PTPN2: variants seen among roughly 807,000 people sequenced by gnomAD.
PTPN2 encodes tyrosine-protein phosphatase non-receptor type 2.
Under a neutral mutation model 57.3 loss-of-function variants are expected in PTPN2, and 19 were observed. The ratio of observed to expected loss-of-function variants is 0.33; its 90% CI spans 0.23 to 0.49. PTPN2 has a LOEUF of 0.49. Ranked by LOEUF, PTPN2 falls within the 20% of genes least tolerant of loss-of-function variation. PTPN2 has a pLI of 0.99. For synonymous variants in PTPN2, 153 were observed against 164.9 expected (o/e 0.93, Z 0.55); for missense variants, 358 against 501.1 (o/e 0.71, Z 2.73).
intron 6 of PTPN2, among the ~76,000 whole-genome samples, chr18:12,816,416 T>C (rs942311027): frequency 6.6e-6 from 1 of 152,226 alleles, no homozygotes; most frequent in Non-Finnish European, 1.5e-5. Context: ...CAGGGACTAC[T>C]GAAGGAGTAG....
chr18:12,836,496 A>G (rs2042870860), intron 3 of PTPN2, among the ~76,000 whole-genome samples: 1 of 152,258 alleles, frequency 6.6e-6, no homozygotes. Context: ...AAGCATAAGC[A>G]GCACTCTGTG....
intron 4 of PTPN2, among the ~76,000 whole-genome samples, chr18:12,828,929 C>T (rs975697846): frequency 1.3e-5 from 2 of 152,142 alleles, no homozygotes; most frequent in East Asian, 1.9e-4. Context: ...GACAGGGTCT[C>T]GCTCTGTCCC....
chr18:12,878,486 AT>A (rs2044565711), intron 1 of PTPN2, among the ~76,000 whole-genome samples: 1 of 152,130 alleles, frequency 6.6e-6, no homozygotes, highest in African/African-American at 2.4e-5. Context: ...CCTGACAAAC[AT>A]GGTGAAACCC....
At chr18:12,835,382 C>CTTTCTTTTTTTTTTTTTTTTTTT (rs2042821259) in intron 3 of PTPN2, among the ~76,000 whole-genome samples, 1 of 99,020 alleles carries the variant, frequency 1.0e-5, no homozygotes, top group African/African-American at 4.2e-5. Context: ...TCACATATGT[C>CTTTCTTTTTTTTTTTTTTTTTTT]TTTTTTTTTT....
At chr18:12,831,448 T>G (rs2042665804) in intron 3 of PTPN2, among the ~76,000 whole-genome samples, 1 of 152,188 alleles carries the variant, frequency 6.6e-6, no homozygotes, top group South Asian at 2.1e-4. Context: ...CATATGAAGG[T>G]GGCTATAGTA....
chr18:12,883,930 C>A lies in PTPN2; in HGVS notation c.69+143G>T, dbSNP rs1213963251. On this transcript the variant is annotated intron_variant, in intron 1 of 8. Transcript: ENST00000309660. ...AGAGAGCGGTCAGCGCAGGCGCGCC[C>A]CTGACGCGGACCGCGCCGCCACTTC... is the stretch of plus-strand genomic sequence containing the variant. 6.3e-6 allele frequency: 4 copies of A among 634,360 alleles called. No homozygotes were observed. In the Admixed American group the frequency reaches 1.3e-4, roughly 21 times the overall value. 39.3% of individuals were successfully genotyped at this position (634,360 alleles called of 1,614,324 possible).
intron 2 of PTPN2, among the ~76,000 whole-genome samples, chr18:12,848,614 A>G (rs551647848): frequency 6.6e-6 from 1 of 152,334 alleles, no homozygotes; most frequent in South Asian, 2.1e-4. Flanking sequence ...GTTCCTGGTG[A>G]CAGCCCAGTT....
At chr18:12,810,512 C>T (rs1231115268) in intron 7 of PTPN2, among the ~76,000 whole-genome samples, 1 of 152,148 alleles carries the variant, frequency 6.6e-6, no homozygotes, top group Non-Finnish European at 1.5e-5. Context: ...ATGGTGTGAT[C>T]ACAGCTCACT....
intron 1 of PTPN2, 115 bp downstream of exon 1, chr18:12,883,958 C>A (rs1452052791): frequency 1.2e-5 from 11 of 919,232 alleles, no homozygotes; most frequent in Non-Finnish European, 1.6e-5. Context: ...GCCACTTCCG[C>A]CCCGAGCGAG....
chr18:12,843,844 G>C (rs1204477551), intron 2 of PTPN2: 1 of 152,332 alleles, frequency 6.6e-6, no homozygotes, highest in African/African-American at 2.4e-5. Context: ...ACTCATTTGT[G>C]TGTGCTCAGT....
Position 12,793,516 on chromosome 18 carries a change from G to A in PTPN2, c.*762C>T, listed in dbSNP as rs1315619095. On this transcript the variant is annotated 3_prime_UTR_variant, in exon 9 of 9. Coordinates refer to ENST00000309660, the MANE Select transcript of PTPN2 (RefSeq NM_002828.4). ...CCAGTAAGGAGAATTTTCCTTCAAA[G>A]ATATTTTTAGGAAAAACTTTTGTTT... The A allele has an allele frequency of 3.1e-6, 3 of 980,040 alleles. No homozygotes were observed. Among genetic ancestry groups the A allele is most frequent in the South Asian group, 4.7e-5 (1 of 21,158 alleles). The allele number at this position is 980,040 out of a possible 1,614,324, so 60.7% of individuals were successfully genotyped here. A position where few individuals can be genotyped will look rare whatever the true frequency, so the allele number is the denominator to read the frequency against.
intron 7 of PTPN2, among the ~76,000 whole-genome samples, chr18:12,812,142 A>G (rs1032758084): frequency 2.0e-5 from 3 of 152,220 alleles, no homozygotes; most frequent in Non-Finnish European, 4.4e-5. Context: ...GCTAATAAAT[A>G]TGTGGTAATA....
chr18:12,878,903 C>T (rs28463691), intron 1 of PTPN2, among the ~76,000 whole-genome samples: 7,885 of 152,206 alleles, frequency 0.052, 670 homozygotes, highest in African/African-American at 0.18. Context: ...TGAGCCATCA[C>T]TTCTTAGAAA....
intron 1 of PTPN2, among the ~76,000 whole-genome samples, chr18:12,881,685 T>C (rs1181242384): frequency 6.6e-6 from 1 of 152,212 alleles, no homozygotes; most frequent in Non-Finnish European, 1.5e-5. Flanking sequence ...CTGGCCAATG[T>C]CTTTCAAGAC....
At chr18:12,883,956 C>T in intron 1 of PTPN2, 117 bp downstream of exon 1, 1 of 896,576 alleles carries the variant, frequency 1.1e-6, no homozygotes, top group Non-Finnish European at 1.6e-6. Context: ...CCGCCACTTC[C>T]GCCCCGAGCG....
At chr18:12,847,258 T>A (rs1160932374) in intron 2 of PTPN2, among the ~76,000 whole-genome samples, 1 of 152,204 alleles carries the variant, frequency 6.6e-6, no homozygotes, top group Non-Finnish European at 1.5e-5. Flanking sequence ...TCTGCGTGAA[T>A]ACCTCCAATA....
intron 1 of PTPN2, among the ~76,000 whole-genome samples, chr18:12,871,560 G>A (rs1308276272): frequency 7.4e-6 from 1 of 134,570 alleles, no homozygotes; most frequent in Admixed American, 6.9e-5. Context: ...TGACCTTTAT[G>A]GTATTTATGT....
chr18:12,877,088 T>A (rs142843274), intron 1 of PTPN2, among the ~76,000 whole-genome samples: 44 of 152,310 alleles, frequency 2.9e-4, no homozygotes, highest in African/African-American at 9.9e-4. Context: ...ATTGGCCCAG[T>A]GTTTCCTCAG....
intron 9 of PTPN2, chr18:12,786,825 G>C (rs528209110): frequency 1.3e-5 from 2 of 152,260 alleles, no homozygotes; most frequent in South Asian, 4.1e-4. Context: ...TGTTCTGAAC[G>C]TCCTTTTTTT....
Sources: gnomAD v4.1 joint callset for allele counts (sites outside exome capture counted in the v4.1 genomes callset) on GRCh38, gnomAD v4.1.1 for gene constraint, MANE v1.5 for transcripts, NCBI Gene and HGNC (gene_info 2026-07-23, HGNC 2026-07-21) for gene names.